Variants in RSRC1 observed in about 807,000 individuals in gnomAD.
The protein encoded by RSRC1 is arginine and serine rich coiled-coil 1, also known as serine/Arginine-related protein 53.
A neutral mutation model predicts 49.1 loss-of-function variants in RSRC1; 39 were observed. The ratio of observed to expected loss-of-function variants is 0.79; its 90% CI spans 0.61 to 1.04. RSRC1 has a LOEUF of 1.04. Ranked by LOEUF, RSRC1 falls within the 50% of genes least tolerant of loss-of-function variation. The probability of loss-of-function intolerance (pLI) is 0.00; values close to 1 mark genes in which losing one functional copy is unlikely to be tolerated. For missense variants in RSRC1, 388 were observed against 402.4 expected, an observed-to-expected ratio of 0.96 and a Z score of 0.31; for synonymous variants, 143 against 130.8, an observed-to-expected ratio of 1.09 and a Z score of -0.63.
intron 6 of RSRC1, among the ~76,000 whole-genome samples, chr3:158,431,094 C>T (rs1735751156): frequency 1.3e-5 from 2 of 151,884 alleles, no homozygotes; most frequent in African/African-American, 4.8e-5. Flanking sequence ...ACCCTTTTAG[C>T]ACCTCATTGT....
intron 4 of RSRC1, among the ~76,000 whole-genome samples, chr3:158,249,435 A>G (rs73874346): frequency 0.077 from 11,688 of 152,260 alleles, 545 homozygotes; most frequent in South Asian, 0.13. Context: ...TGTTGTTGCA[A>G]GTATCACTTC....
chr3:158,485,616 T>C (rs1738785746), intron 7 of RSRC1, among the ~76,000 whole-genome samples: 1 of 152,240 alleles, frequency 6.6e-6, no homozygotes, highest in South Asian at 2.1e-4. Flanking sequence ...GTTTTGTGGT[T>C]TTTATTTTTT....
At chr3:158,382,124 C>A (rs1408398144) in intron 6 of RSRC1, among the ~76,000 whole-genome samples, 1 of 151,958 alleles carries the variant, frequency 6.6e-6, no homozygotes. Context: ...TACAAACATG[C>A]ACATTAGCCT....
intron 3 of RSRC1, among the ~76,000 whole-genome samples, chr3:158,198,757 A>C (rs1720827031): frequency 6.6e-6 from 1 of 152,014 alleles, no homozygotes; most frequent in Admixed American, 6.6e-5. Flanking sequence ...TGCGTCACTC[A>C]TGCTGGGAGA....
chr3:158,447,175 AT>A (rs918528437), intron 6 of RSRC1, among the ~76,000 whole-genome samples: 2 of 152,006 alleles, frequency 1.3e-5, no homozygotes, highest in Non-Finnish European at 2.9e-5. Context: ...GGAAGTCTGC[AT>A]TTTATCAGAA....
intron 3 of RSRC1, among the ~76,000 whole-genome samples, chr3:158,126,436 G>C (rs1715634200): frequency 2.6e-5 from 4 of 151,844 alleles, no homozygotes; most frequent in African/African-American, 9.7e-5. Context: ...TGTCTTTTAA[G>C]TTGGTAATAA....
chr3:158,507,630 CTT>C (rs1739918644), intron 7 of RSRC1, among the ~76,000 whole-genome samples: 3 of 152,006 alleles, frequency 2.0e-5, no homozygotes. Flanking sequence ...GATGGCCTGT[CTT>C]ATGTATGAAA....
At chr3:158,534,951 C>CT (rs1448058582) in intron 7 of RSRC1, among the ~76,000 whole-genome samples, 1 of 151,202 alleles carries the variant, frequency 6.6e-6, no homozygotes, top group African/African-American at 2.4e-5. Context: ...AAATGGTTAC[C>CT]TCTAGATTGG....
intron 7 of RSRC1, among the ~76,000 whole-genome samples, chr3:158,477,609 G>A (rs116523623): frequency 0.022 from 3,369 of 151,852 alleles, 53 homozygotes; most frequent in Non-Finnish European, 0.036. Context: ...CTATAGTGTA[G>A]TGTAAACATA....
chr3:158,477,075 C>T (rs1160806317), intron 7 of RSRC1, among the ~76,000 whole-genome samples: 1 of 152,102 alleles, frequency 6.6e-6, no homozygotes, highest in Non-Finnish European at 1.5e-5. Context: ...GAAGATGTGA[C>T]TGAGTGACTG....
At position 158,456,064 on chromosome 3, in the gene RSRC1, G is replaced by A. The variant is rs187356073; in HGVS notation, c.584-4871G>A. On this transcript the variant is annotated intron_variant, in intron 6 of 9. Transcript: ENST00000611884. ...TTTTCTAAATCCTTTTCGTTCATTCGTTTAGGAAACATTCCTTGAACACCT... is the reference window on the plus strand; with the variant it reads ...TTTTCTAAATCCTTTTCGTTCATTCATTTAGGAAACATTCCTTGAACACCT... Among the ~76,000 whole-genome samples, 27 of 143,632 alleles carry A rather than the reference G, an allele frequency of 1.9e-4. No homozygotes were observed. In the East Asian group the frequency reaches 2.5e-3, roughly 13 times the overall value. The allele number at this position is 143,632 out of a possible 152,430, so 94.2% of individuals were successfully genotyped here.
chr3:158,385,246 A>G (rs1732911276), intron 6 of RSRC1, among the ~76,000 whole-genome samples: 1 of 152,078 alleles, frequency 6.6e-6, no homozygotes, highest in Admixed American at 6.6e-5. Flanking sequence ...TATTCCTGCC[A>G]CCTTGTAGCT....
chr3:158,184,788 T>G (rs1035739917), intron 3 of RSRC1, among the ~76,000 whole-genome samples: 3 of 152,104 alleles, frequency 2.0e-5, no homozygotes, highest in Admixed American at 2.0e-4. Context: ...TAAGTTTTTC[T>G]TTTAGCTTTA....
intron 3 of RSRC1, among the ~76,000 whole-genome samples, chr3:158,146,553 G>A (rs1406178142): frequency 1.3e-5 from 2 of 152,132 alleles, no homozygotes; most frequent in African/African-American, 4.8e-5. Context: ...GAGGATTTTT[G>A]TGTCAATGTA....
intron 5 of RSRC1, among the ~76,000 whole-genome samples, chr3:158,329,034 A>C (rs186250056): frequency 6.6e-5 from 10 of 152,330 alleles, no homozygotes. Flanking sequence ...CAAATCAGCT[A>C]CTGAAGGTTG....
chr3:158,332,033 G>T (rs192843002), intron 5 of RSRC1, among the ~76,000 whole-genome samples: 5 of 151,770 alleles, frequency 3.3e-5, no homozygotes, highest in African/African-American at 1.2e-4. Context: ...CATTTTTTAG[G>T]TCAGAAAAGA....
At chr3:158,259,104 G>C (rs1047361685) in intron 4 of RSRC1, among the ~76,000 whole-genome samples, 4 of 152,084 alleles carry the variant, frequency 2.6e-5, no homozygotes, top group African/African-American at 9.7e-5. Context: ...GGAATGTTTT[G>C]ATTCTTCTGC....
chr3:158,206,833 G>A (rs1280645817), intron 4 of RSRC1, among the ~76,000 whole-genome samples: 1 of 152,158 alleles, frequency 6.6e-6, no homozygotes, highest in African/African-American at 2.4e-5. Flanking sequence ...AGAATTGCTT[G>A]AACCCAGGAG....
chr3:158,151,314 T>G lies in RSRC1; in HGVS notation c.320+27323T>G, dbSNP rs143280003. The stretch of plus-strand genomic sequence containing the variant: ...AAAGTGTGATCTAATGTTAGTCAGC[T>G]GGGGGGAATTTAGCAAGGCCTGTTT... On this transcript the variant is annotated intron_variant, in intron 3 of 9. Transcript: ENST00000611884. Among the ~76,000 whole-genome samples the G allele has an allele frequency of 7.9e-4, 119 of 151,394 alleles. No homozygotes were observed. In the East Asian group the frequency reaches 0.021, roughly 27 times the overall value.
Sources: allele counts gnomAD v4.1 joint callset (sites outside exome capture counted in the v4.1 genomes callset), GRCh38; gene constraint gnomAD v4.1.1; transcripts MANE v1.5; gene names NCBI Gene and HGNC (gene_info 2026-07-23, HGNC 2026-07-21).